The following USH2A variants were observed in gnomAD, a reference collection of about 807,000 sequenced individuals.
USH2A encodes the protein usherin, also known as Usher syndrome 2A (autosomal recessive, mild).
Under a neutral mutation model 538.9 loss-of-function variants are expected in USH2A, and 443 were observed. That is an observed-to-expected ratio of 0.82 (90% CI 0.76 to 0.89). USH2A has a LOEUF of 0.89. USH2A is among the 40% of genes least tolerant of loss of function. The pLI, the probability that USH2A is intolerant of heterozygous loss-of-function variation, is 0.00. For synonymous variants in USH2A, 2,413 were observed against 2,273.5 expected (o/e 1.06, Z -1.75); for missense variants, 6,633 against 6,324.8 (o/e 1.05, Z -1.65).
At chr1:216,225,484 C>T (rs887210423) in intron 14 of USH2A, among the ~76,000 whole-genome samples, 5 of 152,132 alleles carry the variant, frequency 3.3e-5, no homozygotes, top group Admixed American at 2.6e-4. Context: ...GCATTCCACA[C>T]GACTGATTTA....
At chr1:216,151,697 G>C (rs1448414411) in intron 21 of USH2A, among the ~76,000 whole-genome samples, 1 of 152,128 alleles carries the variant, frequency 6.6e-6, no homozygotes, top group East Asian at 1.9e-4. Flanking sequence ...GCTGAAAAAG[G>C]AGGACTCTGC....
At chr1:215,908,497 T>C (rs1665695792) in intron 38 of USH2A, among the ~76,000 whole-genome samples, 1 of 151,906 alleles carries the variant, frequency 6.6e-6, no homozygotes, top group Non-Finnish European at 1.5e-5. Flanking sequence ...ATATAAACTT[T>C]AAAGATTATA....
intron 50 of USH2A, among the ~76,000 whole-genome samples, chr1:215,796,265 AT>A (rs142275740): frequency 0.082 from 12,432 of 152,088 alleles, 533 homozygotes; most frequent in East Asian, 0.12. Flanking sequence ...CAGAGACTGC[AT>A]TTTTTTACAA....
intron 64 of USH2A, among the ~76,000 whole-genome samples, chr1:215,666,935 CA>C (rs1340252331): frequency 2.0e-5 from 3 of 151,920 alleles, no homozygotes; most frequent in Non-Finnish European, 2.9e-5. Context: ...ACTAAAAATA[CA>C]AAAAACTAGC....
intron 61 of USH2A, among the ~76,000 whole-genome samples, chr1:215,723,500 A>G (rs942276101): frequency 1.3e-5 from 2 of 152,176 alleles, no homozygotes; most frequent in Non-Finnish European, 2.9e-5. Flanking sequence ...GCACCACAAC[A>G]TGGGCAATTT....
Position 215,674,689 on chromosome 1 carries a change from C to T in USH2A, c.13222G>A (p.Val4408Ile), listed in dbSNP as rs111033500. The change falls in exon 63 of 72, where the codon GTT (valine) becomes ATT (isoleucine). Residue 4408 changes from valine (V) to isoleucine (I), a missense_variant. Physicochemically the swap from Val to Ile is conservative, Grantham distance 29. Coordinates refer to ENST00000307340, the MANE Select transcript of USH2A (RefSeq NM_206933.4). ...TGAGAGTAAGGCTGCAGGTGGGAAACCAGCAGGCACAGGCCCTGGCCAGCA... is the reference window on the plus strand; with the variant it reads ...TGAGAGTAAGGCTGCAGGTGGGAAATCAGCAGGCACAGGCCCTGGCCAGCA... ...SLAGQGLCLLVSHLQPYSQYN... is the reference protein window; with the variant it reads ...SLAGQGLCLLISHLQPYSQYN... 17 of 1,613,994 alleles carry T rather than the reference C, an allele frequency of 1.1e-5. No homozygotes were observed. The highest frequency in any genetic ancestry group is 2.2e-5 in the East Asian group (1 of 44,876).
chr1:216,417,371 G>A (rs893471774), intron 3 of USH2A, among the ~76,000 whole-genome samples: 1 of 152,022 alleles, frequency 6.6e-6, no homozygotes, highest in Non-Finnish European at 1.5e-5. Context: ...CTGGATGGAT[G>A]CTCATATGAG....
At chr1:215,777,547 G>A (rs947990072) in intron 55 of USH2A, among the ~76,000 whole-genome samples, 1 of 152,184 alleles carries the variant, frequency 6.6e-6, no homozygotes, top group African/African-American at 2.4e-5. Flanking sequence ...TCAAAACCCT[G>A]TAATTAACAT....
intron 32 of USH2A, among the ~76,000 whole-genome samples, chr1:216,018,263 G>A (rs1558214509): frequency 6.6e-6 from 1 of 152,190 alleles, no homozygotes; most frequent in South Asian, 2.1e-4. Flanking sequence ...AAATATGTCA[G>A]GGACTATTTA....
intron 63 of USH2A, among the ~76,000 whole-genome samples, chr1:215,672,489 C>A (rs758384753): frequency 6.6e-6 from 1 of 152,118 alleles, no homozygotes; most frequent in Non-Finnish European, 1.5e-5. Context: ...TATTGGTGAT[C>A]AAATCCATAG....
At chr1:215,860,978 G>T (rs1442094652) in intron 44 of USH2A, among the ~76,000 whole-genome samples, 1 of 152,188 alleles carries the variant, frequency 6.6e-6, no homozygotes, top group African/African-American at 2.4e-5. Flanking sequence ...CACCAACTAA[G>T]CAGCTCTTGG....
chr1:216,344,213 C>T (rs988203565), intron 4 of USH2A, among the ~76,000 whole-genome samples: 5 of 151,954 alleles, frequency 3.3e-5, no homozygotes, highest in Non-Finnish European at 7.4e-5. Flanking sequence ...ATATAAAGGA[C>T]AAGAGAAAGA....
chr1:216,200,143 A>C lies in USH2A; in HGVS notation c.3317-22T>G, dbSNP rs781169354. 3.1e-6 allele frequency: 5 copies of C among 1,602,708 alleles called. No homozygotes were observed. In the African/African-American group the frequency reaches 6.7e-5, roughly 22 times the overall value. ...ATACCTGAAATGAAAAGAAAAAAAA[A>C]AAACAAAGTTACATTTCACAAGTTG... On this transcript the variant is annotated intron_variant, in intron 16 of 71. Coordinates refer to ENST00000307340, the MANE Select transcript of USH2A (RefSeq NM_206933.4).
At chr1:216,219,729 G>A (rs544472852) in intron 14 of USH2A, among the ~76,000 whole-genome samples, 2 of 152,064 alleles carry the variant, frequency 1.3e-5, no homozygotes, top group South Asian at 2.1e-4. Flanking sequence ...AGCTTCTCCC[G>A]CAATCTGTTT....
chr1:215,692,120 TAAGG>T (rs1286834962), intron 61 of USH2A, among the ~76,000 whole-genome samples: 1 of 152,226 alleles, frequency 6.6e-6, no homozygotes, highest in Non-Finnish European at 1.5e-5. Context: ...GCTGAAATGT[TAAGG>T]AAGCTGTGCA....
At chr1:215,878,038 C>CT (rs1558140625) in intron 42 of USH2A, among the ~76,000 whole-genome samples, 158 bp from the exon 43 acceptor site, 4 of 151,860 alleles carry the variant, frequency 2.6e-5, no homozygotes, top group East Asian at 3.9e-4. Flanking sequence ...TTCAGATGAA[C>CT]GTTTTTTTTT....
chr1:215,731,703 C>T (rs1659999468), intron 60 of USH2A, among the ~76,000 whole-genome samples: 2 of 152,270 alleles, frequency 1.3e-5, no homozygotes, highest in South Asian at 4.1e-4. Flanking sequence ...CTCCTTACTC[C>T]TTCTCTCCCC....
chr1:215,914,842 G>A (rs1211061278), intron 38 of USH2A, among the ~76,000 whole-genome samples: 3 of 152,156 alleles, frequency 2.0e-5, no homozygotes, highest in Non-Finnish European at 4.4e-5. Flanking sequence ...TTGGATGAAT[G>A]AAATTTGAAC....
At position 216,000,489 on chromosome 1, in the gene USH2A, C is replaced by T. The variant is rs55958016; in HGVS notation, c.6399G>A (p.Trp2133Ter). ...CTHVGCTNSS[W>*]VLLYTAQLPP... Reference sequence around the variant, plus strand: ...GCAGCTGTGCTGTGTACAGTAGGACCCAGGAACTGTTTGTACAGCCCACAT... The same window carrying T: ...GCAGCTGTGCTGTGTACAGTAGGACTCAGGAACTGTTTGTACAGCCCACAT... Residue 2133 changes from tryptophan (W) to a stop codon, truncating the protein, a stop_gained, in exon 33 of 72, where the codon TGG becomes TGA. Coordinates refer to ENST00000307340, the MANE Select transcript of USH2A (RefSeq NM_206933.4). LOFTEE classifies it high-confidence loss of function. The T allele has an allele frequency of 2.5e-6, 4 of 1,613,482 alleles. No individual in the cohort carries two copies. The highest frequency in any genetic ancestry group is 2.2e-5 in the East Asian group (1 of 44,852).
Sources: allele counts gnomAD v4.1 joint callset (sites outside exome capture counted in the v4.1 genomes callset), GRCh38; gene constraint gnomAD v4.1.1; transcripts MANE v1.5; gene names NCBI Gene and HGNC (gene_info 2026-07-23, HGNC 2026-07-21).